Variants in CNTNAP2 observed in about 807,000 individuals in gnomAD.
The protein encoded by CNTNAP2 is contactin associated protein 2.
Under a neutral mutation model 155.2 loss-of-function variants are expected in CNTNAP2, and 98 were observed. That is an observed-to-expected ratio of 0.63 (90% CI 0.54 to 0.75). CNTNAP2 has a LOEUF of 0.75. Among genes scored for constraint, CNTNAP2 ranks in the 30% least tolerant of loss-of-function variants. CNTNAP2 has a pLI of 0.00. For missense variants in CNTNAP2, 1,727 were observed against 1,688.1 expected (o/e 1.02, Z -0.40); for synonymous variants, 651 against 631.2 (o/e 1.03, Z -0.47).
chr7:147,686,486 T>C (rs1362697105), intron 13 of CNTNAP2, among the ~76,000 whole-genome samples: 1 of 151,976 alleles, frequency 6.6e-6, no homozygotes, highest in Non-Finnish European at 1.5e-5. Context: ...ACTATAAATA[T>C]ATATGTGGAT....
intron 13 of CNTNAP2, among the ~76,000 whole-genome samples, chr7:147,740,991 C>T (rs531125751): frequency 2.0e-5 from 3 of 152,188 alleles, no homozygotes; most frequent in Non-Finnish European, 2.9e-5. Context: ...TTTCCCACCC[C>T]CAATGGTCAT....
chr7:147,714,206 C>CT (rs5888281), intron 13 of CNTNAP2, among the ~76,000 whole-genome samples: 2,499 of 152,130 alleles, frequency 0.016, 224 homozygotes, highest in Admixed American at 0.15. Context: ...TCTCTTTCCC[C>CT]AGGAATTTTG....
Position 147,206,532 on chromosome 7 carries a change from C to G in CNTNAP2, c.1348+74023C>G, listed in dbSNP as rs565115541. On this transcript the variant is annotated intron_variant, in intron 8 of 23. Coordinates refer to ENST00000361727, the MANE Select transcript of CNTNAP2 (RefSeq NM_014141.6). ...GAGTCGAGATCGTGACACTGCACTCCAGCCTGGGTTCTCTATCTCCAATGA... is the reference window on the plus strand; with the variant it reads ...GAGTCGAGATCGTGACACTGCACTCGAGCCTGGGTTCTCTATCTCCAATGA... Among the ~76,000 whole-genome samples the G allele has an allele frequency of 1.2e-3, 187 of 152,270 alleles. 1 individual carries two copies. Among genetic ancestry groups the G allele is most frequent in the African/African-American group, 3.9e-3 (164 of 41,558 alleles).
At chr7:146,959,730 A>AG (rs1440355776) in intron 3 of CNTNAP2, among the ~76,000 whole-genome samples, 31 of 149,256 alleles carry the variant, frequency 2.1e-4, no homozygotes, top group Non-Finnish European at 3.1e-4. Flanking sequence ...AAAAAAAAAA[A>AG]AAAGAAAGAA....
chr7:146,436,790 T>C (rs1220199286), intron 1 of CNTNAP2, among the ~76,000 whole-genome samples: 1 of 150,698 alleles, frequency 6.6e-6, no homozygotes, highest in African/African-American at 2.5e-5. Context: ...ATAAACTCTA[T>C]GGAACATTAA....
rs201145594 is a variant in CNTNAP2, at chr7:147,246,074, AT to A, written c.1349-54066del. On this transcript the variant is annotated intron_variant, in intron 8 of 23. Transcript: ENST00000361727. ...ATATATACACATATATATGGCATAT[AT>A]ATATATACATATATATGGCATATAT... is the stretch of plus-strand genomic sequence containing the variant. 7.7e-4 allele frequency among the ~76,000 whole-genome samples: 116 copies of A among 149,760 alleles called. 1 individual carries two copies. The East Asian group carries it at 0.021, about 28-fold the overall frequency.
intron 15 of CNTNAP2, among the ~76,000 whole-genome samples, chr7:148,006,553 A>G (rs1801983442): frequency 6.6e-6 from 1 of 151,358 alleles, no homozygotes; most frequent in Admixed American, 6.6e-5. Flanking sequence ...TCCTGACCTC[A>G]AGTGATCTGC....
At chr7:146,750,091 A>G (rs1228016256) in intron 1 of CNTNAP2, among the ~76,000 whole-genome samples, 4 of 152,202 alleles carry the variant, frequency 2.6e-5, no homozygotes, top group Non-Finnish European at 4.4e-5. Context: ...ATCTAGTAGC[A>G]TAGAGCAAAG....
At chr7:146,391,830 C>G (rs1795549144) in intron 1 of CNTNAP2, among the ~76,000 whole-genome samples, 1 of 151,930 alleles carries the variant, frequency 6.6e-6, no homozygotes, top group Non-Finnish European at 1.5e-5. Context: ...CACACTGGGA[C>G]TTTTTGGAGG....
intron 13 of CNTNAP2, among the ~76,000 whole-genome samples, chr7:147,826,069 A>G (rs1171903769): frequency 1.3e-5 from 2 of 152,208 alleles, no homozygotes; most frequent in African/African-American, 4.8e-5. Context: ...GCATTCTCCT[A>G]TAAGCCAGGC....
intron 8 of CNTNAP2, among the ~76,000 whole-genome samples, chr7:147,171,278 T>A (rs1334719672): frequency 1.3e-5 from 2 of 152,206 alleles, no homozygotes; most frequent in Non-Finnish European, 2.9e-5. Flanking sequence ...CATCTGCGTG[T>A]TTTCTTCATC....
chr7:146,704,121 A>G (rs1363646832), intron 1 of CNTNAP2, among the ~76,000 whole-genome samples: 1 of 152,156 alleles, frequency 6.6e-6, no homozygotes, highest in African/African-American at 2.4e-5. Context: ...TAGTAAATAC[A>G]TTTTGTAAAT....
intron 1 of CNTNAP2, among the ~76,000 whole-genome samples, chr7:146,593,730 C>A (rs764551853): frequency 6.6e-6 from 1 of 152,134 alleles, no homozygotes; most frequent in Non-Finnish European, 1.5e-5. Context: ...CTCCTTATTT[C>A]TCCTTTGAAG....
At chr7:146,274,275 T>A (rs537235701) in intron 1 of CNTNAP2, among the ~76,000 whole-genome samples, 2 of 152,280 alleles carry the variant, frequency 1.3e-5, no homozygotes, top group African/African-American at 4.8e-5. Flanking sequence ...TAAGTAAGCC[T>A]CCCAGGGCTG....
At chr7:146,860,880 C>T (rs949424305) in intron 3 of CNTNAP2, among the ~76,000 whole-genome samples, 1 of 152,016 alleles carries the variant, frequency 6.6e-6, no homozygotes, top group Non-Finnish European at 1.5e-5. Flanking sequence ...AATTAATAAC[C>T]ATGATGTCTA....
intron 15 of CNTNAP2, chr7:148,014,400 C>T (rs535504070): frequency 6.6e-6 from 1 of 152,142 alleles, no homozygotes; most frequent in African/African-American, 2.4e-5. Context: ...ACACAGACAC[C>T]TGGAGAAGGG....
intron 8 of CNTNAP2, among the ~76,000 whole-genome samples, chr7:147,220,952 T>G (rs1400959835): frequency 1.1e-4 from 17 of 152,168 alleles, no homozygotes. Flanking sequence ...TGATCTGTGA[T>G]CTGCCTGCCT....
At chr7:146,856,427 G>T (rs1794989012) in intron 3 of CNTNAP2, among the ~76,000 whole-genome samples, 1 of 152,048 alleles carries the variant, frequency 6.6e-6, no homozygotes, top group South Asian at 2.1e-4. Context: ...AGGAAACGTG[G>T]AAGGGTGCTG....
chr7:148,105,584 T>G (rs1422976746), intron 15 of CNTNAP2, among the ~76,000 whole-genome samples: 7 of 139,352 alleles, frequency 5.0e-5, no homozygotes, highest in African/African-American at 2.1e-4. Context: ...TTTTATTTTT[T>G]ATTTTTTTTT....
Sources: gnomAD v4.1 joint callset for allele counts (sites outside exome capture counted in the v4.1 genomes callset) on GRCh38, gnomAD v4.1.1 for gene constraint, MANE v1.5 for transcripts, NCBI Gene and HGNC (gene_info 2026-07-23, HGNC 2026-07-21) for gene names.